The following TFEB variants were observed in gnomAD, a reference collection of about 807,000 sequenced individuals.
The protein encoded by TFEB is transcription factor EB.
In TFEB, 12 loss-of-function variants were observed where a neutral mutation model predicts 48.0. That is an observed-to-expected ratio of 0.25 (90% CI 0.16 to 0.40). The LOEUF is 0.40. Ranked by LOEUF, TFEB falls within the 10% of genes least tolerant of loss-of-function variation. TFEB has a pLI of 1.00. For synonymous variants in TFEB, 244 were observed against 261.4 expected (o/e 0.93, Z 0.64); for missense variants, 509 against 640.3 (o/e 0.79, Z 2.21).
intron 1 of TFEB, among the ~76,000 whole-genome samples, chr6:41,697,033 C>T (rs1283726669): frequency 6.6e-6 from 1 of 152,106 alleles, no homozygotes; most frequent in Admixed American, 6.5e-5. Flanking sequence ...GTCATATTTA[C>T]AATAATTTGT....
intron 8 of TFEB, 46 bp downstream of exon 8, chr6:41,686,043 AG>A: frequency 1.2e-6 from 2 of 1,611,364 alleles, no homozygotes; most frequent in Non-Finnish European, 1.7e-6. Flanking sequence ...GCCAGGAGCC[AG>A]GTTAAGGGTC....
intron 1 of TFEB, among the ~76,000 whole-genome samples, chr6:41,708,365 T>A (rs778241225): frequency 6.6e-5 from 10 of 152,210 alleles, no homozygotes; most frequent in Admixed American, 2.6e-4. Context: ...CCCAGCCACA[T>A]GCTCTGGGCC....
At position 41,691,504 on chromosome 6, in the gene TFEB, A is replaced by C; in HGVS notation, c.-22-269T>G. On this transcript the variant is annotated intron_variant, in intron 1 of 8. Coordinates refer to ENST00000373033, the MANE Select transcript of TFEB (RefSeq NM_001271944.2). This position sits in a 1 kb window ranked among gnomAD's most constrained non-coding sequence, Gnocchi z 5.2. ...GGTAAATCCCAAACTCTAAGAGTCA[A>C]CTTCCACTCCTCTCTGTGTCACGCC... 3 of 655,050 alleles carry C rather than the reference A, an allele frequency of 4.6e-6. No homozygotes were observed. The highest frequency in any genetic ancestry group is 2.8e-5 in the East Asian group (1 of 35,474). The allele number at this position is 655,050 out of a possible 1,614,324, so 40.6% of individuals were successfully genotyped here.
At chr6:41,694,150 G>T (rs574650570) in intron 1 of TFEB, among the ~76,000 whole-genome samples, 2 of 152,324 alleles carry the variant, frequency 1.3e-5, no homozygotes, top group Admixed American at 1.3e-4. Flanking sequence ...GCCTGGCCTC[G>T]CGTGGACTGG....
chr6:41,706,716 C>G (rs935600766), intron 1 of TFEB, among the ~76,000 whole-genome samples: 70 of 152,172 alleles, frequency 4.6e-4, no homozygotes, highest in African/African-American at 1.5e-3. Context: ...CCATCTCCCC[C>G]CATAGAGGAG....
chr6:41,712,839 C>T lies in TFEB; in HGVS notation c.-22-21604G>A, dbSNP rs368620843. 7.2e-5 allele frequency among the ~76,000 whole-genome samples: 11 copies of T among 152,278 alleles called. No homozygotes were observed. The East Asian group carries it at 1.2e-3, about 16-fold the overall frequency. On this transcript the variant is annotated intron_variant, in intron 1 of 8. Transcript: ENST00000373033. ...TTCATGTCTCTGGAGAAAGCCTCCC[C>T]ACCCCCTCCCAGGCAGCACAGCTCT...
intron 7 of TFEB, 144 bp from the exon 8 acceptor site, chr6:41,686,381 A>C: frequency 5.1e-5 from 52 of 1,009,780 alleles, no homozygotes; most frequent in Non-Finnish European, 7.3e-5. Flanking sequence ...GGCTGATCTC[A>C]GTTTGCACAG....
intron 1 of TFEB, among the ~76,000 whole-genome samples, chr6:41,695,183 T>C (rs1004442520): frequency 6.6e-6 from 1 of 152,248 alleles, no homozygotes; most frequent in Non-Finnish European, 1.5e-5. Context: ...TCACAGCACC[T>C]GCCTTTTGGG....
intron 1 of TFEB, among the ~76,000 whole-genome samples, chr6:41,695,788 T>C (rs1769546622): frequency 6.6e-6 from 1 of 152,200 alleles, no homozygotes; most frequent in African/African-American, 2.4e-5. Flanking sequence ...TGGGAATATG[T>C]GCGACTTGTG....
intron 1 of TFEB, among the ~76,000 whole-genome samples, chr6:41,714,148 T>C (rs1213700790): frequency 1.4e-5 from 2 of 146,274 alleles, no homozygotes; most frequent in African/African-American, 5.2e-5. Flanking sequence ...TGCGTGTGTG[T>C]GCATGTGCAT....
chr6:41,706,169 G>A (rs942940524), intron 1 of TFEB, among the ~76,000 whole-genome samples: 6 of 152,222 alleles, frequency 3.9e-5, no homozygotes, highest in Non-Finnish European at 5.9e-5. Context: ...GGCCTTCCAC[G>A]TCCATGCCAG....
intron 1 of TFEB, among the ~76,000 whole-genome samples, chr6:41,712,354 C>T (rs935043689): frequency 3.3e-5 from 5 of 152,120 alleles, no homozygotes; most frequent in African/African-American, 9.7e-5. Context: ...AAGAGGGCAC[C>T]GTGCCTTTTC....
chr6:41,688,698 G>A (rs1465956240), intron 4 of TFEB, among the ~76,000 whole-genome samples: 2 of 152,090 alleles, frequency 1.3e-5, no homozygotes, highest in Non-Finnish European at 2.9e-5. Context: ...ACTACTAAAG[G>A]GACCAATCAC....
At chr6:41,728,160 T>C (rs963279895) in intron 1 of TFEB, among the ~76,000 whole-genome samples, 2 of 152,246 alleles carry the variant, frequency 1.3e-5, no homozygotes, top group African/African-American at 4.8e-5. Context: ...ATTCTGCTCC[T>C]CTCTGCCCTC....
rs1320723542 is a variant in TFEB, at chr6:41,730,935, G to A, written c.-23+4415C>T. Reference sequence around the variant, plus strand: ...TCAACAAGGAGAGGAGGCTGGTGTGGTGGGACAGAGAGTGGTGGGAAGCCC... The same window carrying A: ...TCAACAAGGAGAGGAGGCTGGTGTGATGGGACAGAGAGTGGTGGGAAGCCC... On this transcript the variant is annotated intron_variant, in intron 1 of 8. Transcript: ENST00000373033. The surrounding 1 kb of genome is among the most constrained non-coding windows in gnomAD (Gnocchi z 4.1). Among the ~76,000 whole-genome samples, 2 of 152,202 alleles carry A rather than the reference G, an allele frequency of 1.3e-5. No homozygotes were observed. Among genetic ancestry groups the A allele is most frequent in the African/African-American group, 4.8e-5 (2 of 41,452 alleles).
chr6:41,701,960 A>AAAG (rs1769952339), intron 1 of TFEB, among the ~76,000 whole-genome samples: 1 of 151,040 alleles, frequency 6.6e-6, no homozygotes, highest in African/African-American at 2.4e-5. Context: ...AAAAAAAAAA[A>AAAG]GAAAGATTAA....
intron 1 of TFEB, among the ~76,000 whole-genome samples, chr6:41,692,449 C>T (rs927943074): frequency 2.0e-5 from 3 of 152,226 alleles, no homozygotes; most frequent in Non-Finnish European, 4.4e-5. Context: ...GGGAGGGCCA[C>T]TTCCAGGCAC....
intron 1 of TFEB, chr6:41,735,113 G>A (rs1222472771): frequency 3.1e-6 from 3 of 977,448 alleles, no homozygotes; most frequent in Non-Finnish European, 3.6e-6. Flanking sequence ...GCCCGCGCCT[G>A]AAGGGAGGGG....
intron 1 of TFEB, chr6:41,705,906 G>A (rs1252452463): frequency 1.3e-5 from 2 of 152,256 alleles, no homozygotes; most frequent in African/African-American, 4.8e-5. Flanking sequence ...ACTGCCGGGA[G>A]AGGCTCCCAC....
Sources: gnomAD v4.1 joint callset for allele counts (sites outside exome capture counted in the v4.1 genomes callset) on GRCh38, gnomAD v4.1.1 for gene constraint, Gnocchi (gnomAD v3.1) non-coding constraint, MANE v1.5 for transcripts, NCBI Gene and HGNC (gene_info 2026-07-23, HGNC 2026-07-21) for gene names.